The following SLC35D2 variants were observed in gnomAD, a reference collection of about 807,000 sequenced individuals.
SLC35D2 encodes nucleotide sugar transporter SLC35D2.
A neutral mutation model predicts 41.8 loss-of-function variants in SLC35D2; 43 were observed. The ratio of observed to expected loss-of-function variants is 1.03; its 90% CI spans 0.81 to 1.33. The LOEUF is 1.33. Among genes scored for constraint, SLC35D2 ranks in the 40% most tolerant of loss-of-function variants. SLC35D2 has a pLI of 0.00. For synonymous variants in SLC35D2, 150 were observed against 163.9 expected, an observed-to-expected ratio of 0.92 and a Z score of 0.65; for missense variants, 380 against 408.4, an observed-to-expected ratio of 0.93 and a Z score of 0.60.
chr9:96,354,638 C>T (rs1180173389), intron 4 of SLC35D2, among the ~76,000 whole-genome samples: 1 of 151,548 alleles, frequency 6.6e-6, no homozygotes, highest in Admixed American at 6.6e-5. Flanking sequence ...CGTAGTGGTG[C>T]GTGACTATAA....
intron 8 of SLC35D2, 89 bp downstream of exon 8, chr9:96,343,815 A>T (rs776827379): frequency 3.8e-6 from 3 of 782,826 alleles, no homozygotes; most frequent in Non-Finnish European, 5.9e-6. Context: ...AGCTAACTTT[A>T]CACTTTTTGT....
At chr9:96,329,402 T>C (rs1564088667) in intron 9 of SLC35D2, among the ~76,000 whole-genome samples, 1 of 152,060 alleles carries the variant, frequency 6.6e-6, no homozygotes. Context: ...GCCTAACTTT[T>C]TTCTGTAGAA....
intron 7 of SLC35D2, among the ~76,000 whole-genome samples, chr9:96,344,509 T>TAA (rs35407925): frequency 0.19 from 1,851 of 9,912 alleles, 183 homozygotes; most frequent in African/African-American, 0.36. Flanking sequence ...CTTCTACCGT[T>TAA]AAAAAAAAAA....
At chr9:96,375,760 G>C (rs190504555) in intron 1 of SLC35D2, among the ~76,000 whole-genome samples, 6 of 152,050 alleles carry the variant, frequency 3.9e-5, no homozygotes, top group African/African-American at 1.4e-4. Context: ...GTTCACGCCT[G>C]TAATCGCAGC....
intron 10 of SLC35D2, 132 bp from the exon 11 acceptor site, chr9:96,322,212 G>A: frequency 3.3e-6 from 2 of 612,508 alleles, no homozygotes; most frequent in South Asian, 4.5e-5. Context: ...TTCACAGGTG[G>A]TTGAACAAAA....
chr9:96,331,954 C>T (rs1317834473), intron 9 of SLC35D2, among the ~76,000 whole-genome samples: 1 of 152,134 alleles, frequency 6.6e-6, no homozygotes, highest in Non-Finnish European at 1.5e-5. Flanking sequence ...CCATCCTTAC[C>T]CATCCTGCAT....
chr9:96,358,252 G>A (rs1362984579), intron 4 of SLC35D2, among the ~76,000 whole-genome samples: 1 of 151,584 alleles, frequency 6.6e-6, no homozygotes, highest in Non-Finnish European at 1.5e-5. Flanking sequence ...TCTATGAGAT[G>A]TCTAGAGTAG....
chr9:96,322,940 A>G (rs1030207549), intron 10 of SLC35D2, among the ~76,000 whole-genome samples: 4 of 151,580 alleles, frequency 2.6e-5, no homozygotes, highest in African/African-American at 9.7e-5. Context: ...GCTGGTCTCT[A>G]ATTCCTGACC....
chr9:96,379,014 C>A (rs1831075537), intron 1 of SLC35D2, among the ~76,000 whole-genome samples: 1 of 151,824 alleles, frequency 6.6e-6, no homozygotes, highest in Admixed American at 6.6e-5. Context: ...AGAGTATAAC[C>A]AAGCCAGGCG....
At chr9:96,339,604 G>A (rs745578484) in intron 8 of SLC35D2, among the ~76,000 whole-genome samples, 10 of 152,148 alleles carry the variant, frequency 6.6e-5, no homozygotes, top group Admixed American at 3.3e-4. Context: ...CTGTTGGAAC[G>A]TGAGTCTTTT....
intron 1 of SLC35D2, among the ~76,000 whole-genome samples, chr9:96,378,568 C>A (rs999745912): frequency 6.6e-6 from 1 of 152,224 alleles, no homozygotes; most frequent in Admixed American, 6.5e-5. Context: ...TTAGCAAATT[C>A]TTCCATGTCA....
At chr9:96,339,452 T>C (rs757080274) in intron 8 of SLC35D2, among the ~76,000 whole-genome samples, 1 of 152,204 alleles carries the variant, frequency 6.6e-6, no homozygotes, top group Non-Finnish European at 1.5e-5. Flanking sequence ...TCCTTAATAA[T>C]GATGAGACGG....
At chr9:96,354,425 G>A (rs1157376253) in intron 4 of SLC35D2, among the ~76,000 whole-genome samples, 2 of 152,064 alleles carry the variant, frequency 1.3e-5, no homozygotes, top group Non-Finnish European at 2.9e-5. Flanking sequence ...GAAACAAAAC[G>A]AATATACAAA....
At chr9:96,344,862 T>G (rs1297913388) in intron 7 of SLC35D2, among the ~76,000 whole-genome samples, 1 of 152,078 alleles carries the variant, frequency 6.6e-6, no homozygotes, top group Non-Finnish European at 1.5e-5. Flanking sequence ...TTGCAGTCAT[T>G]TCATTCCACA....
intron 5 of SLC35D2, among the ~76,000 whole-genome samples, chr9:96,351,754 C>T (rs1587689248): frequency 1.3e-5 from 2 of 152,134 alleles, no homozygotes; most frequent in South Asian, 4.1e-4. Context: ...GTTTATATTC[C>T]ATCTGGCTCA....
In SLC35D2 at chr9:96,324,105, C is replaced by A. The variant is rs186139409; in HGVS notation, c.817G>T (p.Val273Phe). ...YYNSALTTAV[V>F]GAIKNVSVAY... ...CATCCACTCACCTTGATGGCTCCAA[C>A]CACTGCTGTCGTCAGGGCTGAATTG... The change falls in exon 10 of 12, where the codon GTT (valine) becomes TTT (phenylalanine). Residue 273 changes from valine (V) to phenylalanine (F), a missense_variant. Physicochemically the swap from Val to Phe is conservative, Grantham distance 50. Transcript: ENST00000253270. 5 of 1,613,880 alleles carry A rather than the reference C, an allele frequency of 3.1e-6. No homozygotes were observed. Among genetic ancestry groups the A allele is most frequent in the Non-Finnish European group, 3.4e-6 (4 of 1,179,848 alleles).
chr9:96,383,618 T>TC lies in SLC35D2; in HGVS notation c.16_17insG (p.Gln6ArgfsTer80), dbSNP rs1419035880. ...CCCGCCAGCGCCCTCGGCCTCGGCCTGGCCGCCGGCCGTCATCTCCTGCGG... is the reference window on the plus strand; with the variant it reads ...CCCGCCAGCGCCCTCGGCCTCGGCCTCGGCCGCCGGCCGTCATCTCCTGCGG... On this transcript the variant is annotated frameshift_variant, in exon 1 of 12. Coordinates refer to ENST00000253270, the MANE Select transcript of SLC35D2 (RefSeq NM_007001.3). LOFTEE classifies it high-confidence loss of function. 7.7e-6 allele frequency: 9 copies of TC among 1,176,084 alleles called. 1 individual carries two copies. In the South Asian group the frequency reaches 1.2e-4, roughly 16 times the overall value. 72.9% of individuals were successfully genotyped at this position (1,176,084 alleles called of 1,614,324 possible). A position where few individuals can be genotyped will look rare whatever the true frequency, so the allele number is the denominator to read the frequency against.
intron 9 of SLC35D2, among the ~76,000 whole-genome samples, chr9:96,324,549 C>CTTTTTTTTTTTTTTTTTTTTTGTTTTTTT (rs57775451): frequency 8.5e-6 from 1 of 117,780 alleles, no homozygotes; most frequent in Non-Finnish European, 1.8e-5. Flanking sequence ...GCCTGCTGCA[C>CTTTTTTTTTTTTTTTTTTTTTGTTTTTTT]TTTTTTTTTT....
chr9:96,363,282 G>A lies in SLC35D2; in HGVS notation c.279+1182C>T, dbSNP rs975985488. ...TCCCCGAGTCACTGGGATTATAGGC[G>A]TGAGCCACCACACTGGGCTCCCCTG... is the stretch of plus-strand genomic sequence containing the variant. On this transcript the variant is annotated intron_variant, in intron 3 of 11. Transcript: ENST00000253270. 2.6e-5 allele frequency among the ~76,000 whole-genome samples: 4 copies of A among 151,880 alleles called. No individual in the cohort carries two copies. The South Asian group carries it at 6.2e-4, about 24-fold the overall frequency.
Sources: gnomAD v4.1 joint callset for allele counts (sites outside exome capture counted in the v4.1 genomes callset) on GRCh38, gnomAD v4.1.1 for gene constraint, MANE v1.5 for transcripts, NCBI Gene and HGNC (gene_info 2026-07-23, HGNC 2026-07-21) for gene names.